Variants in COPG1 observed in about 807,000 individuals in gnomAD.
COPG1 encodes the protein coatomer subunit gamma-1.
Under a neutral mutation model 102.8 loss-of-function variants are expected in COPG1, and 29 were observed. That is an observed-to-expected ratio of 0.28 (90% CI 0.21 to 0.38). The LOEUF (loss-of-function observed/expected upper bound fraction) is 0.38. Among genes scored for constraint, COPG1 ranks in the 10% least tolerant of loss-of-function variants. The pLI, the probability that COPG1 is intolerant of heterozygous loss-of-function variation, is 1.00. For missense variants in COPG1, 875 were observed against 1,132.7 expected, an observed-to-expected ratio of 0.77 and a Z score of 3.27; for synonymous variants, 406 against 421.6, an observed-to-expected ratio of 0.96 and a Z score of 0.45.
chr3:129,273,532 A>G (rs6439164), intron 21 of COPG1, among the ~76,000 whole-genome samples: 37,634 of 152,162 alleles, frequency 0.25, 7,762 homozygotes, highest in African/African-American at 0.57. Context: ...ATTTTCCAGT[A>G]TCATTACAAA....
chr3:129,274,129 A>G (rs1940226228), intron 21 of COPG1: 1 of 456,126 alleles, frequency 2.2e-6, no homozygotes, highest in Non-Finnish European at 4.4e-6. Flanking sequence ...GAGCTGCTCT[A>G]AGACCAAGTG....
chr3:129,269,130 C>T, intron 18 of COPG1, 130 bp downstream of exon 18: 1 of 752,302 alleles, frequency 1.3e-6, no homozygotes, highest in Non-Finnish European at 2.3e-6. Context: ...CCTACTATCA[C>T]ATTTGACCCT....
At chr3:129,260,976 G>A (rs1939915118) in intron 12 of COPG1, among the ~76,000 whole-genome samples, 169 bp downstream of exon 12, 1 of 152,218 alleles carries the variant, frequency 6.6e-6, no homozygotes, top group Admixed American at 6.5e-5. Flanking sequence ...CGAGAAATGT[G>A]CGTAGTCCTG....
At chr3:129,274,748 A>G in intron 21 of COPG1, 90 bp from the exon 22 acceptor site, 1 of 1,436,660 alleles carries the variant, frequency 7.0e-7, no homozygotes, top group Non-Finnish European at 9.6e-7. Flanking sequence ...ACCTGTGGAA[A>G]GAGTTGCAGG....
At position 129,275,219 on chromosome 3, in the gene COPG1, C is replaced by G; in HGVS notation, c.2421C>G (p.Phe807Leu). ...LEEAVGNIVK[F>L]LGMHPCERSD... ...AGGCTGTGGGTAATATTGTGAAGTT[C>G]TTGGGAATGCACCCTTGTGAGAGGT... Residue 807 changes from phenylalanine (F) to leucine (L), a missense_variant, in exon 23 of 24, where the codon TTC becomes TTG. Physicochemically the swap from Phe to Leu is conservative, Grantham distance 22. Transcript: ENST00000314797. The surrounding 1 kb of genome is among the most constrained non-coding windows in gnomAD (Gnocchi z 5.0). 1 of 1,614,082 alleles carries G rather than the reference C, an allele frequency of 6.2e-7. No individual in the cohort carries two copies. The highest frequency in any genetic ancestry group is 8.5e-7 in the Non-Finnish European group (1 of 1,179,976).
intron 19 of COPG1, 133 bp downstream of exon 19, chr3:129,272,042 C>A: frequency 1.8e-6 from 2 of 1,136,616 alleles, no homozygotes; most frequent in Non-Finnish European, 2.5e-6. Context: ...AATCTGTCCC[C>A]AACAGGTCGG....
chr3:129,265,598 T>C lies in COPG1; in HGVS notation c.1274T>C (p.Ile425Thr), dbSNP rs1940037524. Residue 425 changes from isoleucine to threonine, a missense_variant, in exon 14 of 24, where the codon ATT becomes ACT. Transcript: ENST00000314797. ...RAIVDCIISI[I>T]EENSESKETG... is the part of the protein sequence containing the mutation. ...ATCGTGGACTGCATCATCAGCATCA[T>C]TGAAGAGAACTCAGAGAGCAAGGAG... 2 of 1,614,180 alleles carry C rather than the reference T, an allele frequency of 1.2e-6. No individual in the cohort carries two copies. The highest frequency in any genetic ancestry group is 1.7e-6 in the Non-Finnish European group (2 of 1,180,032).
Position 129,252,314 on chromosome 3 carries a change from C to G in COPG1, c.124C>G (p.Arg42Gly). 1 of 1,613,150 alleles carries G rather than the reference C, an allele frequency of 6.2e-7. No individual in the cohort carries two copies. The highest frequency in any genetic ancestry group is 8.5e-7 in the Non-Finnish European group (1 of 1,179,166). ...RVFNETPINP[R>G]KCAHILTKIL... ...ATTTAATGAAACTCCCATCAACCCT[C>G]GGAAATGTGCCCACATCCTCACCAA... Residue 42 changes from arginine (R) to glycine (G), a missense_variant, in exon 3 of 24, where the codon CGG (arginine) becomes GGG (glycine). By Grantham distance (125) the Arg-to-Gly change is moderately radical. Transcript: ENST00000314797.
Position 129,275,622 on chromosome 3 carries a change from G to A in COPG1, c.2494+330G>A, listed in dbSNP as rs1940257852. Among the ~76,000 whole-genome samples, 1 of 151,954 alleles carries A rather than the reference G, an allele frequency of 6.6e-6. No homozygotes were observed. Among genetic ancestry groups the A allele is most frequent in the Non-Finnish European group, 1.5e-5 (1 of 68,002 alleles). The stretch of plus-strand genomic sequence containing the variant: ...ACAAATGGTATATATATTGTCCTCC[G>A]ATTTGCTTTTCACTTTACATTGCAT... On this transcript the variant is annotated intron_variant, in intron 23 of 23. Coordinates refer to ENST00000314797, the MANE Select transcript of COPG1 (RefSeq NM_016128.4). The surrounding 1 kb of genome is among the most constrained non-coding windows in gnomAD (Gnocchi z 5.0).
rs151198971 is a variant in COPG1, at chr3:129,262,065, T to C, written c.1128+1258T>C. Among the ~76,000 whole-genome samples, 100 of 152,288 alleles carry C rather than the reference T, an allele frequency of 6.6e-4. 1 individual carries two copies. Among genetic ancestry groups the C allele is most frequent in the African/African-American group, 2.2e-3 (91 of 41,546 alleles). ...AAAGTAGGCAGCAGTCTACTCTGCC[T>C]GTGGGTTACAAGAATGCTTTGCAGG... On this transcript the variant is annotated intron_variant, in intron 12 of 23. Coordinates refer to ENST00000314797, the MANE Select transcript of COPG1 (RefSeq NM_016128.4).
At chr3:129,254,411 G>A (rs1439232268) in intron 5 of COPG1, 15 of 447,196 alleles carry the variant, frequency 3.4e-5, no homozygotes, top group Admixed American at 1.9e-4. Flanking sequence ...GGAAGTTCAA[G>A]GAGTTACATT....
intron 14 of COPG1, among the ~76,000 whole-genome samples, chr3:129,266,659 T>A (rs74316530): frequency 0.014 from 2,088 of 152,314 alleles, 49 homozygotes; most frequent in African/African-American, 0.047. Context: ...TCATTTTTAT[T>A]ATTCTGAGCC....
rs370325284 is a variant in COPG1 at position 129,249,638 on chromosome 3, A to G, written c.-72A>G. ...GCCCGGAAGTGGTCCCTGTAGAACC[A>G]CTGTGGCACCGCTACTCCGTGCCGC... On this transcript the variant is annotated 5_prime_UTR_variant, in exon 1 of 24. Transcript: ENST00000314797. 5.2e-4 allele frequency: 793 copies of G among 1,526,194 alleles called. 2 individuals are homozygous for G. In the African/African-American group the frequency reaches 6.6e-3, roughly 13 times the overall value. The allele number at this position is 1,526,194 out of a possible 1,614,324, so 94.5% of individuals were successfully genotyped here. A position where few individuals can be genotyped will look rare whatever the true frequency, so the allele number is the denominator to read the frequency against.
intron 12 of COPG1, 148 bp downstream of exon 12, chr3:129,260,955 A>T: frequency 1.3e-6 from 1 of 753,564 alleles, no homozygotes; most frequent in Non-Finnish European, 2.1e-6. Flanking sequence ...CTCTGCAGAG[A>T]CTTGGCCTTC....
chr3:129,263,046 G>GAA lies in COPG1; in HGVS notation c.1129-858_1129-857insAA, dbSNP rs1560065383. ...AAAAAAAAAAAAAAAGAGTCCTTCT[G>GAA]GAGCAGAGTGGAGGGGTGACTGGGT... is the stretch of plus-strand genomic sequence containing the variant. On this transcript the variant is annotated intron_variant, in intron 12 of 23. Transcript: ENST00000314797. 1.2e-3 allele frequency among the ~76,000 whole-genome samples: 162 copies of GAA among 135,004 alleles called. 4 individuals carry two copies. The highest frequency in any genetic ancestry group is 5.2e-3 in the African/African-American group (151 of 29,038). 88.6% of individuals were successfully genotyped at this position (135,004 alleles called of 152,430 possible).
At chr3:129,276,584 T>C (rs974096733) in intron 23 of COPG1, among the ~76,000 whole-genome samples, 1 of 152,204 alleles carries the variant, frequency 6.6e-6, no homozygotes, top group East Asian at 1.9e-4. Flanking sequence ...TGTAGCCACA[T>C]TGAAACAACC....
At position 129,277,579 on chromosome 3, in the gene COPG1, A is replaced by G; in HGVS notation, c.*155A>G. 6.5e-6 allele frequency: 3 copies of G among 461,734 alleles called. No homozygotes were observed. The highest frequency in any genetic ancestry group is 1.1e-5 in the Non-Finnish European group (3 of 279,106). The allele number at this position is 461,734 out of a possible 1,614,324, so 28.6% of individuals were successfully genotyped here. ...TTTTTTTATTCTGCTCCCACCTCCC[A>G]CCCGGGACTACTTGCTGGTGACTTT... On this transcript the variant is annotated 3_prime_UTR_variant, in exon 24 of 24. Coordinates refer to ENST00000314797, the MANE Select transcript of COPG1 (RefSeq NM_016128.4).
chr3:129,272,277 T>C lies in COPG1; in HGVS notation c.2020T>C (p.Leu674=). The change falls in exon 20 of 24, where the codon TTG becomes CTG. Residue 674 remains leucine, a synonymous_variant. Transcript: ENST00000314797. ...DCTNTLNDQT[L]ENVTVQMEPT... Reference sequence around the variant, plus strand: ...CACAAACACACTCAATGACCAGACCTTGGAGAATGTCACAGTGCAGATGGA... The same window carrying C: ...CACAAACACACTCAATGACCAGACCCTGGAGAATGTCACAGTGCAGATGGA... 11 of 1,614,108 alleles carry C rather than the reference T, an allele frequency of 6.8e-6. No homozygotes were observed. Among genetic ancestry groups the C allele is most frequent in the South Asian group, 1.1e-5 (1 of 91,084 alleles).
intron 23 of COPG1, among the ~76,000 whole-genome samples, chr3:129,277,080 C>T (rs1024958498): frequency 6.6e-6 from 1 of 151,848 alleles, no homozygotes. Flanking sequence ...CCTCAGCCTC[C>T]CAAAGTGCTG....
Sources: allele counts gnomAD v4.1 joint callset (sites outside exome capture counted in the v4.1 genomes callset), GRCh38; gene constraint gnomAD v4.1.1; non-coding constraint Gnocchi (gnomAD v3.1); transcripts MANE v1.5; gene names NCBI Gene and HGNC (gene_info 2026-07-23, HGNC 2026-07-21).